Variants in SCHIP1 observed in about 807,000 individuals in gnomAD.
SCHIP1 encodes schwannomin interacting protein 1.
Under a neutral mutation model 29.7 loss-of-function variants are expected in SCHIP1, and 8 were observed. The observed-to-expected ratio is 0.27, with a 90% CI of 0.16 to 0.49. The LOEUF (loss-of-function observed/expected upper bound fraction) is 0.49. SCHIP1 is among the 20% of genes least tolerant of loss of function. The probability of loss-of-function intolerance (pLI) is 0.99; values close to 1 mark genes in which losing one functional copy is unlikely to be tolerated. For synonymous variants in SCHIP1, 76 were observed against 94.9 expected (o/e 0.80, Z 1.16); for missense variants, 193 against 294.6 (o/e 0.66, Z 2.52).
At chr3:159,441,342 G>A in the SCHIP1 span, among the ~76,000 whole-genome samples, 13 of 152,144 alleles carry the variant, frequency 8.5e-5, no homozygotes, top group Non-Finnish European at 1.9e-4. Flanking sequence ...ACTTAGTGGT[G>A]ATGAATACTG....
At chr3:159,629,457 T>C in the SCHIP1 span, among the ~76,000 whole-genome samples, 1 of 152,196 alleles carries the variant, frequency 6.6e-6, no homozygotes, top group Non-Finnish European at 1.5e-5. Flanking sequence ...ACTTTATTCC[T>C]ACCAAATCTT....
chr3:159,389,415 T>C, the SCHIP1 span, among the ~76,000 whole-genome samples: 2,472 of 152,118 alleles, frequency 0.016, 54 homozygotes, highest in African/African-American at 0.056. Context: ...GGTTTGGGGA[T>C]AAGATTACCC....
chr3:159,625,851 T>C, the SCHIP1 span, among the ~76,000 whole-genome samples: 1 of 151,898 alleles, frequency 6.6e-6, no homozygotes, highest in East Asian at 1.9e-4. Flanking sequence ...CTCAGCAAGT[T>C]AATACGTAGA....
At chr3:159,276,593 T>G in the SCHIP1 span, among the ~76,000 whole-genome samples, 50,081 of 152,134 alleles carry the variant, frequency 0.33, 9,145 homozygotes, top group Non-Finnish European at 0.42. Context: ...TTGTATTACA[T>G]GATGGACCTA....
the SCHIP1 span, among the ~76,000 whole-genome samples, chr3:159,794,766 A>T: frequency 6.6e-6 from 1 of 152,108 alleles, no homozygotes; most frequent in Admixed American, 6.5e-5. Context: ...CTCCTAGGAG[A>T]GGCCAAAAAA....
the SCHIP1 span, among the ~76,000 whole-genome samples, chr3:159,384,871 T>G: frequency 2.6e-5 from 4 of 152,236 alleles, no homozygotes; most frequent in East Asian, 7.7e-4. Context: ...TATCCATTTC[T>G]TCTAGATTTT....
the SCHIP1 span, among the ~76,000 whole-genome samples, chr3:159,479,598 G>A: frequency 2.0e-5 from 3 of 152,028 alleles, no homozygotes; most frequent in African/African-American, 7.2e-5. Context: ...TTAATTACTT[G>A]GCTAGTTTTA....
chr3:159,330,467 A>G, the SCHIP1 span, among the ~76,000 whole-genome samples: 1 of 152,198 alleles, frequency 6.6e-6, no homozygotes, highest in Non-Finnish European at 1.5e-5. Context: ...CTTTTGGTGC[A>G]GTTGAGGTAT....
At chr3:159,350,017 T>C in the SCHIP1 span, among the ~76,000 whole-genome samples, 1 of 152,160 alleles carries the variant, frequency 6.6e-6, no homozygotes, top group African/African-American at 2.4e-5. Flanking sequence ...TTCTATAAAA[T>C]AGTGCTTAGC....
chr3:159,885,247 A>T (rs1051344561), intron 2 of SCHIP1, among the ~76,000 whole-genome samples: 1 of 152,248 alleles, frequency 6.6e-6, no homozygotes, highest in East Asian at 1.9e-4. Flanking sequence ...CTTCCTTGGG[A>T]TCTTTTCTTG....
chr3:159,692,922 G>C, the SCHIP1 span, among the ~76,000 whole-genome samples: 1 of 152,128 alleles, frequency 6.6e-6, no homozygotes. Context: ...GTTATATAAG[G>C]ATTTCATCAG....
chr3:159,828,405 A>G, the SCHIP1 span, among the ~76,000 whole-genome samples: 197 of 64,344 alleles, frequency 3.1e-3, 3 homozygotes, highest in East Asian at 0.017. Context: ...ACGTATATAT[A>G]TACGTATATA....
At chr3:159,554,028 G>GTGTGTGTGTGTGTGTGTA in the SCHIP1 span, among the ~76,000 whole-genome samples, 22 of 73,412 alleles carry the variant, frequency 3.0e-4, no homozygotes, top group African/African-American at 2.3e-3. Context: ...GTTTGTGTAT[G>GTGTGTGTGTGTGTGTGTA]TGTGTGTGTG....
At chr3:159,769,172 C>T in the SCHIP1 span, among the ~76,000 whole-genome samples, 2 of 151,496 alleles carry the variant, frequency 1.3e-5, no homozygotes, top group South Asian at 2.1e-4. Context: ...CTTATGAGAG[C>T]GGGCCACAAA....
At chr3:159,717,754 A>C in the SCHIP1 span, among the ~76,000 whole-genome samples, 4 of 152,208 alleles carry the variant, frequency 2.6e-5, no homozygotes, top group Non-Finnish European at 4.4e-5. Context: ...TACCAACCAA[A>C]AAAAGTCCAG....
At chr3:159,549,848 G>A in the SCHIP1 span, among the ~76,000 whole-genome samples, 4 of 152,086 alleles carry the variant, frequency 2.6e-5, no homozygotes, top group South Asian at 2.1e-4. Flanking sequence ...GCTTGTTTTT[G>A]TTCACTCTCC....
chr3:159,672,711 G>T, the SCHIP1 span, among the ~76,000 whole-genome samples: 1 of 152,184 alleles, frequency 6.6e-6, no homozygotes, highest in Non-Finnish European at 1.5e-5. Flanking sequence ...TACTGCCAAG[G>T]TTGAGAATTT....
chr3:159,886,160 A>G lies in SCHIP1; in HGVS notation c.150-47A>G, dbSNP rs183958212. On this transcript the variant is annotated intron_variant, in intron 2 of 6. Transcript: ENST00000445224. The stretch of plus-strand genomic sequence containing the variant: ...AGACAGTTCTATTGGCTGAAGCCAA[A>G]TAACAAACAGCTAAGTAGAACTAGT... 62 of 1,606,580 alleles carry G rather than the reference A, an allele frequency of 3.9e-5. No individual in the cohort carries two copies. In the African/African-American group the frequency reaches 6.9e-4, roughly 18 times the overall value.
chr3:159,723,768 T>A, the SCHIP1 span, among the ~76,000 whole-genome samples: 3 of 152,194 alleles, frequency 2.0e-5, no homozygotes, highest in South Asian at 4.1e-4. Context: ...TCCAAATCAA[T>A]CAAGAATTTT....
Sources: gnomAD v4.1 joint callset for allele counts (sites outside exome capture counted in the v4.1 genomes callset) on GRCh38, gnomAD v4.1.1 for gene constraint, MANE v1.5 for transcripts, NCBI Gene and HGNC (gene_info 2026-07-23, HGNC 2026-07-21) for gene names.